Variants in TENM2 observed in about 807,000 individuals in gnomAD.
TENM2 encodes the protein teneurin-2.
Under a neutral mutation model 245.2 loss-of-function variants are expected in TENM2, and 52 were observed. The observed-to-expected ratio is 0.21, with a 90% confidence interval of 0.17 to 0.27. The LOEUF is 0.27. Among genes scored for constraint, TENM2 ranks in the 10% least tolerant of loss-of-function variants. TENM2 has a pLI of 1.00. For synonymous variants in TENM2, 1,363 were observed against 1,438.9 expected (o/e 0.95, Z 1.19); for missense variants, 3,046 against 3,666.8 (o/e 0.83, Z 4.37).
At chr5:167,904,862 G>A (rs367681747) in intron 3 of TENM2, among the ~76,000 whole-genome samples, 1 of 152,084 alleles carries the variant, frequency 6.6e-6, no homozygotes, top group African/African-American at 2.4e-5. Flanking sequence ...TTCAGTCTTG[G>A]GCAAAAGGGA....
At chr5:167,398,708 G>A (rs1021635976) in intron 2 of TENM2, among the ~76,000 whole-genome samples, 6 of 152,082 alleles carry the variant, frequency 3.9e-5, no homozygotes, top group Non-Finnish European at 8.8e-5. Context: ...CCAAAGTGCT[G>A]GGATTACAGG....
At chr5:167,400,788 A>T (rs181132807) in intron 2 of TENM2, among the ~76,000 whole-genome samples, 1 of 152,242 alleles carries the variant, frequency 6.6e-6, no homozygotes, top group East Asian at 1.9e-4. Flanking sequence ...GGCAGAAGGG[A>T]CTATTAAGTA....
intron 1 of TENM2, among the ~76,000 whole-genome samples, chr5:167,337,576 T>C (rs1757854794): frequency 6.6e-6 from 1 of 152,200 alleles, no homozygotes; most frequent in Non-Finnish European, 1.5e-5. Context: ...GTAAAAATGT[T>C]GGCCAAGGTT....
At chr5:167,252,315 AATAAGTATGATG>A in the TENM2 span, among the ~76,000 whole-genome samples, 1 of 152,314 alleles carries the variant, frequency 6.6e-6, no homozygotes, top group East Asian at 1.9e-4. Flanking sequence ...AGTATAGTTC[AATAAGTATGATG>A]AAATCTTGTT....
chr5:167,960,968 T>C (rs1468317886), intron 4 of TENM2, among the ~76,000 whole-genome samples: 2 of 152,236 alleles, frequency 1.3e-5, no homozygotes, highest in Admixed American at 1.3e-4. Context: ...CCCTGACCCC[T>C]TGTGCTTCCT....
At chr5:167,639,563 G>A (rs901141002) in intron 2 of TENM2, among the ~76,000 whole-genome samples, 2 of 152,124 alleles carry the variant, frequency 1.3e-5, no homozygotes, top group African/African-American at 4.8e-5. Flanking sequence ...TTGAACTTAG[G>A]ACAGTTATGC....
intron 2 of TENM2, among the ~76,000 whole-genome samples, chr5:167,577,300 G>A (rs1173651542): frequency 1.3e-5 from 2 of 152,114 alleles, no homozygotes; most frequent in African/African-American, 2.4e-5. Flanking sequence ...ACAGGACAAG[G>A]GTGTAACCTA....
chr5:167,468,061 T>C (rs888294585), intron 2 of TENM2, among the ~76,000 whole-genome samples: 1 of 152,112 alleles, frequency 6.6e-6, no homozygotes, highest in Non-Finnish European at 1.5e-5. Context: ...TTCAGCCTCC[T>C]GAGTAGCTGG....
intron 2 of TENM2, among the ~76,000 whole-genome samples, chr5:167,849,348 C>T (rs1378867644): frequency 6.6e-6 from 1 of 152,106 alleles, no homozygotes; most frequent in Non-Finnish European, 1.5e-5. Flanking sequence ...AATTGTTTTT[C>T]CCCACTCTCA....
the TENM2 span, among the ~76,000 whole-genome samples, chr5:167,209,036 G>A: frequency 3.3e-5 from 5 of 152,166 alleles, no homozygotes; most frequent in Non-Finnish European, 1.5e-5. Context: ...CATCTCAACT[G>A]TCTTTGTAAC....
At chr5:168,234,668 C>T (rs188075162) in intron 25 of TENM2, among the ~76,000 whole-genome samples, 1 of 152,198 alleles carries the variant, frequency 6.6e-6, no homozygotes, top group East Asian at 1.9e-4. Context: ...TGAAATCAAC[C>T]CCTTCTATTA....
chr5:167,180,103 C>CTTT, the TENM2 span, among the ~76,000 whole-genome samples: 577 of 114,904 alleles, frequency 5.0e-3, 24 homozygotes, highest in African/African-American at 0.022. Context: ...TAAGTGCTTC[C>CTTT]TTTTTTTTTT....
intron 2 of TENM2, among the ~76,000 whole-genome samples, chr5:167,873,553 T>C (rs1399438592): frequency 3.3e-5 from 5 of 152,192 alleles, no homozygotes; most frequent in Non-Finnish European, 5.9e-5. Context: ...TGGGAATATA[T>C]GATAATTCTA....
chr5:167,417,586 G>T (rs1763235371), intron 2 of TENM2, among the ~76,000 whole-genome samples: 1 of 151,866 alleles, frequency 6.6e-6, no homozygotes, highest in African/African-American at 2.4e-5. Flanking sequence ...ATAAATTTTT[G>T]TGCCAGGTAC....
chr5:167,042,178 G>A, the TENM2 span, among the ~76,000 whole-genome samples: 7 of 152,094 alleles, frequency 4.6e-5, no homozygotes, highest in Non-Finnish European at 8.8e-5. Context: ...TAATATTTTT[G>A]ACATTAACAT....
chr5:167,087,200 C>T, the TENM2 span, among the ~76,000 whole-genome samples: 8 of 152,288 alleles, frequency 5.3e-5, no homozygotes, highest in East Asian at 1.4e-3. Flanking sequence ...ACATACAAAC[C>T]TCATGCCTCC....
At chr5:167,566,129 A>C (rs935310458) in intron 2 of TENM2, among the ~76,000 whole-genome samples, 10 of 152,124 alleles carry the variant, frequency 6.6e-5, no homozygotes, top group African/African-American at 1.9e-4. Flanking sequence ...TTGTTCTGGA[A>C]ACAGTTATTC....
intron 21 of TENM2, among the ~76,000 whole-genome samples, chr5:168,215,882 A>C (rs1244756274): frequency 1.3e-5 from 2 of 152,212 alleles, no homozygotes; most frequent in African/African-American, 4.8e-5. Context: ...CCACGCCCAG[A>C]CTTCCGTGGT....
chr5:167,272,115 A>G, the TENM2 span, among the ~76,000 whole-genome samples: 1 of 152,098 alleles, frequency 6.6e-6, no homozygotes, highest in South Asian at 2.1e-4. Context: ...CTTCTTGGGG[A>G]TGGAAGGAGG....
Sources: allele counts gnomAD v4.1 joint callset (sites outside exome capture counted in the v4.1 genomes callset), GRCh38; gene constraint gnomAD v4.1.1; transcripts MANE v1.5; gene names NCBI Gene and HGNC (gene_info 2026-07-23, HGNC 2026-07-21).